BDP1: variants seen among roughly 807,000 people sequenced by gnomAD.
BDP1 encodes transcription factor TFIIIB component B'' homolog.
A neutral mutation model predicts 266.6 loss-of-function variants in BDP1; 169 were observed. The ratio of observed to expected loss-of-function variants is 0.63; its 90% CI spans 0.56 to 0.72. BDP1 has a LOEUF of 0.72. Ranked by LOEUF, BDP1 falls within the 30% of genes least tolerant of loss-of-function variation. BDP1 has a pLI of 0.00. For missense variants in BDP1, 3,015 were observed against 3,053.8 expected, an observed-to-expected ratio of 0.99 and a Z score of 0.30; for synonymous variants, 1,090 against 1,022.4, an observed-to-expected ratio of 1.07 and a Z score of -1.26.
chr5:71,517,302 A>G lies in BDP1; in HGVS notation c.4861-20A>G, dbSNP rs1765273458. ...ATTCTGCTATAAAAATAACATACTA[A>G]TATGATTTTGTCTTTTCAGTCAAAT... On this transcript the variant is annotated intron_variant, in intron 21 of 38. Transcript: ENST00000358731. The G allele has an allele frequency of 2.5e-6, 4 of 1,576,826 alleles. No homozygotes were observed. Among genetic ancestry groups the G allele is most frequent in the African/African-American group, 1.4e-5 (1 of 73,240 alleles).
intron 12 of BDP1, among the ~76,000 whole-genome samples, chr5:71,496,633 A>G (rs1404164363): frequency 1.3e-5 from 2 of 152,120 alleles, no homozygotes; most frequent in Non-Finnish European, 2.9e-5. Flanking sequence ...CCCAGGCTGG[A>G]GTGCAGTGGC....
chr5:71,552,309 G>A (rs1742867972), intron 34 of BDP1, among the ~76,000 whole-genome samples: 1 of 150,644 alleles, frequency 6.6e-6, no homozygotes, highest in African/African-American at 2.5e-5. Context: ...GATGGTGGCC[G>A]GGAAGAGGCG....
At chr5:71,540,648 G>A (rs1561769601) in intron 28 of BDP1, among the ~76,000 whole-genome samples, 1 of 152,052 alleles carries the variant, frequency 6.6e-6, no homozygotes, top group Non-Finnish European at 1.5e-5. Context: ...TTAAGTATTA[G>A]ACTTTTGGGC....
chr5:71,502,745 G>T lies in BDP1; in HGVS notation c.2195G>T (p.Gly732Val). ...KEILISQEEI[G>V]ANVEKNENES... ...ATTCTCATATCACAGGAAGAAATTG[G>T]GGCCAATGTAGAGAAGAATGAAAAT... is the stretch of plus-strand genomic sequence containing the variant. The change falls in exon 15 of 39, where the codon GGG becomes GTG. Residue 732 changes from glycine to valine, a missense_variant. Physicochemically the swap from Gly to Val is moderately radical, Grantham distance 109. Transcript: ENST00000358731. 6.2e-7 allele frequency: 1 copy of T among 1,613,888 alleles called. No homozygotes were observed. The highest frequency in any genetic ancestry group is 8.5e-7 in the Non-Finnish European group (1 of 1,179,962).
At chr5:71,518,314 G>C (rs1022116883) in intron 22 of BDP1, among the ~76,000 whole-genome samples, 2 of 152,196 alleles carry the variant, frequency 1.3e-5, no homozygotes, top group Non-Finnish European at 2.9e-5. Flanking sequence ...ATTAGGTAGA[G>C]TGACTTTGGC....
intron 26 of BDP1, among the ~76,000 whole-genome samples, chr5:71,536,940 A>G (rs1209599437): frequency 6.6e-6 from 1 of 152,066 alleles, no homozygotes; most frequent in Admixed American, 6.6e-5. Flanking sequence ...CAGCCTGGCC[A>G]ACATGGTGAA....
chr5:71,522,226 A>T, intron 22 of BDP1, 63 bp from the exon 23 acceptor site: 1 of 1,298,368 alleles, frequency 7.7e-7, no homozygotes, highest in Non-Finnish European at 1.1e-6. Flanking sequence ...TTGATGTAAC[A>T]GCTGTTATAT....
intron 16 of BDP1, among the ~76,000 whole-genome samples, chr5:71,505,861 G>GTC (rs1764548665): frequency 6.6e-6 from 1 of 152,118 alleles, no homozygotes; most frequent in African/African-American, 2.4e-5. Flanking sequence ...ACAGACTCCT[G>GTC]TCCCTCCAAA....
intron 30 of BDP1, 32 bp downstream of exon 30, chr5:71,542,297 T>G: frequency 6.5e-7 from 1 of 1,536,162 alleles, no homozygotes; most frequent in Non-Finnish European, 8.8e-7. Context: ...TGTTGCAAAA[T>G]CATTTTGACA....
downstream of BDP1, among the ~76,000 whole-genome samples, chr5:71,572,820 T>C (rs1744313262): frequency 1.3e-5 from 2 of 152,328 alleles, no homozygotes; most frequent in East Asian, 1.9e-4. Flanking sequence ...TTTTTTCCAC[T>C]TGGAGTTTAA....
At chr5:71,529,125 C>T (rs572630665) in intron 25 of BDP1, among the ~76,000 whole-genome samples, 1 of 152,304 alleles carries the variant, frequency 6.6e-6, no homozygotes, top group African/African-American at 2.4e-5. Context: ...GGCACGGTGG[C>T]TCACACCTGT....
chr5:71,485,591 T>C (rs4337836), intron 8 of BDP1, among the ~76,000 whole-genome samples: 68,180 of 151,944 alleles, frequency 0.45, 15,658 homozygotes, highest in South Asian at 0.55. Context: ...AACCAGTCTT[T>C]GGCTTATGTG....
chr5:71,493,086 C>T (rs1763686608), intron 11 of BDP1, among the ~76,000 whole-genome samples: 1 of 152,146 alleles, frequency 6.6e-6, no homozygotes. Context: ...AGGATGTAGA[C>T]AACTTTCTGT....
intron 34 of BDP1, among the ~76,000 whole-genome samples, chr5:71,550,985 C>T (rs975991085): frequency 2.0e-5 from 3 of 152,124 alleles, no homozygotes; most frequent in Non-Finnish European, 2.9e-5. Flanking sequence ...GGATTACAGA[C>T]GTGAGCCACT....
chr5:71,569,436 T>G (rs1016562236), downstream of BDP1, among the ~76,000 whole-genome samples: 1 of 151,772 alleles, frequency 6.6e-6, no homozygotes, highest in Admixed American at 6.6e-5. Context: ...AGTGAGACCC[T>G]GTTGCTAAAA....
In BDP1 at chr5:71,567,322, A is replaced by ATAT. The variant is rs1320388889; in HGVS notation, c.*2438_*2440dup. 3 of 152,214 alleles carry ATAT rather than the reference A, an allele frequency of 2.0e-5. No individual in the cohort carries two copies. Among genetic ancestry groups the ATAT allele is most frequent in the Non-Finnish European group, 4.4e-5 (3 of 68,018 alleles). The allele number at this position is 152,214 out of a possible 1,614,324, so 9.4% of individuals were successfully genotyped here. A position where few individuals can be genotyped will look rare whatever the true frequency, so the allele number is the denominator to read the frequency against. ...TTTATGGAAAATGGAATTTCTTACT[A>ATAT]TATAAAGAATACAGAGACTCATTGT... On this transcript the variant is annotated 3_prime_UTR_variant, in exon 39 of 39. Coordinates refer to ENST00000358731, the MANE Select transcript of BDP1 (RefSeq NM_018429.3).
intron 8 of BDP1, among the ~76,000 whole-genome samples, chr5:71,485,729 C>A (rs1763225378): frequency 6.6e-6 from 1 of 152,098 alleles, no homozygotes; most frequent in African/African-American, 2.4e-5. Context: ...ATTTAGTGGG[C>A]ATGTTCCTGA....
At chr5:71,556,613 CTT>C (rs927863114) in intron 35 of BDP1, among the ~76,000 whole-genome samples, 1 of 152,078 alleles carries the variant, frequency 6.6e-6, no homozygotes, top group Admixed American at 6.5e-5. Context: ...ATGTAGTAGT[CTT>C]TTGATGTGCT....
At chr5:71,466,852 A>G (rs556022885) in intron 5 of BDP1, among the ~76,000 whole-genome samples, 1 of 152,336 alleles carries the variant, frequency 6.6e-6, no homozygotes, top group South Asian at 2.1e-4. Context: ...TTCACATTCT[A>G]TAATTAAACA....
Sources: gnomAD v4.1 joint callset for allele counts (sites outside exome capture counted in the v4.1 genomes callset) on GRCh38, gnomAD v4.1.1 for gene constraint, MANE v1.5 for transcripts, NCBI Gene and HGNC (gene_info 2026-07-23, HGNC 2026-07-21) for gene names.